CRB1: variants seen among roughly 807,000 people sequenced by gnomAD.
CRB1 encodes the protein crumbs cell polarity complex component 1, also known as protein crumbs homolog 1.
A neutral mutation model predicts 120.0 loss-of-function variants in CRB1; 83 were observed. The observed-to-expected ratio is 0.69, with a 90% confidence interval of 0.58 to 0.83. CRB1 has a LOEUF of 0.83. Among genes scored for constraint, CRB1 ranks in the 40% least tolerant of loss-of-function variants. The pLI is 0.00. For synonymous variants in CRB1, 625 were observed against 612.5 expected (o/e 1.02, Z -0.30); for missense variants, 1,699 against 1,687.6 (o/e 1.01, Z -0.12).
the CRB1 span, chr1:197,222,248 G>A: frequency 5.8e-6 from 3 of 519,508 alleles, no homozygotes; most frequent in South Asian, 3.5e-5. Context: ...TGCTCCTGTC[G>A]TTGGTGGCGG....
chr1:197,462,009 C>T (rs1384546692), intron 11 of CRB1, among the ~76,000 whole-genome samples: 1 of 152,156 alleles, frequency 6.6e-6, no homozygotes, highest in African/African-American at 2.4e-5. Context: ...CCATGAATTG[C>T]AGGAACTCAT....
intron 5 of CRB1, among the ~76,000 whole-genome samples, chr1:197,384,408 A>G (rs556960359): frequency 6.6e-6 from 1 of 152,302 alleles, no homozygotes; most frequent in East Asian, 1.9e-4. Context: ...CCACTTTCCA[A>G]CCTGGCATCA....
chr1:197,448,571 A>G (rs1383456715), intron 11 of CRB1, among the ~76,000 whole-genome samples: 2 of 152,112 alleles, frequency 1.3e-5, no homozygotes, highest in Non-Finnish European at 2.9e-5. Flanking sequence ...CTCCCTTTGA[A>G]CTTTTCACAG....
intron 5 of CRB1, among the ~76,000 whole-genome samples, chr1:197,392,963 G>A (rs891592768): frequency 2.6e-5 from 4 of 152,006 alleles, no homozygotes; most frequent in Non-Finnish European, 2.9e-5. Flanking sequence ...AATATCCAGG[G>A]AAAAGGTACT....
At chr1:197,328,216 CTA>C (rs1658629643) in intron 1 of CRB1, among the ~76,000 whole-genome samples, 1 of 152,150 alleles carries the variant, frequency 6.6e-6, no homozygotes, top group Admixed American at 6.5e-5. Flanking sequence ...GGTATTATCA[CTA>C]TGAAAATTAT....
At chr1:197,310,176 A>T (rs1286439807) in intron 1 of CRB1, among the ~76,000 whole-genome samples, 1 of 152,218 alleles carries the variant, frequency 6.6e-6, no homozygotes, top group African/African-American at 2.4e-5. Flanking sequence ...TTGAAAACAA[A>T]GTAATTAAAT....
chr1:197,276,493 T>A (rs765780104), intron 1 of CRB1, among the ~76,000 whole-genome samples: 2 of 151,736 alleles, frequency 1.3e-5, no homozygotes, highest in Non-Finnish European at 2.9e-5. Context: ...CCACAATCCT[T>A]GATATTGTGA....
intron 11 of CRB1, among the ~76,000 whole-genome samples, chr1:197,463,734 A>G (rs1310912046): frequency 6.6e-6 from 1 of 152,176 alleles, no homozygotes; most frequent in Non-Finnish European, 1.5e-5. Context: ...AAATGCCAGA[A>G]AATATTAAAT....
At chr1:197,340,614 C>T (rs1432409328) in intron 2 of CRB1, among the ~76,000 whole-genome samples, 1 of 151,978 alleles carries the variant, frequency 6.6e-6, no homozygotes, top group Non-Finnish European at 1.5e-5. Context: ...ACCTTAGATC[C>T]ATTTCTAAGA....
chr1:197,318,214 CA>C (rs1657969581), intron 1 of CRB1, among the ~76,000 whole-genome samples: 1 of 152,008 alleles, frequency 6.6e-6, no homozygotes, highest in Non-Finnish European at 1.5e-5. Context: ...AGAAGATATA[CA>C]AATGGCCAAC....
At chr1:197,347,302 G>C (rs1366125457) in intron 3 of CRB1, 38 bp from the exon 4 acceptor site, 2 of 1,585,494 alleles carry the variant, frequency 1.3e-6, no homozygotes, top group Non-Finnish European at 1.7e-6. Flanking sequence ...ATCTCAATAT[G>C]ACTAAGAGTT....
chr1:197,424,641 A>G (rs906992729), intron 6 of CRB1, among the ~76,000 whole-genome samples: 5 of 152,142 alleles, frequency 3.3e-5, no homozygotes, highest in African/African-American at 1.2e-4. Context: ...TTAATACAAC[A>G]TTGACTTTTT....
chr1:197,307,095 C>T (rs1355334096), intron 1 of CRB1, among the ~76,000 whole-genome samples: 2 of 152,248 alleles, frequency 1.3e-5, no homozygotes, highest in East Asian at 3.9e-4. Flanking sequence ...AATCAACTAA[C>T]ATTTATTAAG....
chr1:197,266,495 G>A (rs761356897), upstream of CRB1, among the ~76,000 whole-genome samples: 7 of 152,188 alleles, frequency 4.6e-5, no homozygotes, highest in South Asian at 8.3e-4. Context: ...GGGAAGGGGG[G>A]AAAACATTCA....
chr1:197,303,551 C>T (rs1340619870), intron 1 of CRB1, among the ~76,000 whole-genome samples: 10 of 151,662 alleles, frequency 6.6e-5, no homozygotes, highest in Admixed American at 5.9e-4. Context: ...TACCATCTAG[C>T]TTTACTCTCC....
At position 197,477,913 on chromosome 1, in the gene CRB1, C is replaced by T. The variant is rs368878220; in HGVS notation, c.*34C>T. 1.3e-6 allele frequency: 2 copies of T among 1,587,364 alleles called. No homozygotes were observed. Among genetic ancestry groups the T allele is most frequent in the African/African-American group, 1.3e-5 (1 of 74,404 alleles). ...TGTCCCTTCGAGATGGGGATCCACA[C>T]ACTGTGAATGTGATGACTGTACTTC... On this transcript the variant is annotated 3_prime_UTR_variant, in exon 12 of 12. Coordinates refer to ENST00000367400, the MANE Select transcript of CRB1 (RefSeq NM_201253.3).
chr1:197,391,841 A>G (rs1027560464), intron 5 of CRB1, among the ~76,000 whole-genome samples: 1 of 152,102 alleles, frequency 6.6e-6, no homozygotes, highest in African/African-American at 2.4e-5. Flanking sequence ...ACCCTCCTAC[A>G]GTAATATACA....
rs913995858 is a variant in CRB1, at chr1:197,300,397, T to C, written c.71-28025T>C. The stretch of plus-strand genomic sequence containing the variant: ...TGGTAAAAAAGTGAAAGAGCCTTTT[T>C]GCTGAGATGGTGAAAGTTTGAGTGG... On this transcript the variant is annotated intron_variant, in intron 1 of 11. Transcript: ENST00000367400. Among the ~76,000 whole-genome samples the C allele has an allele frequency of 3.9e-5, 6 of 151,948 alleles. No homozygotes were observed. In the East Asian group the frequency reaches 1.2e-3, roughly 29 times the overall value.
intron 11 of CRB1, among the ~76,000 whole-genome samples, chr1:197,463,740 T>G (rs1351069460): frequency 1.3e-5 from 2 of 152,210 alleles, no homozygotes; most frequent in Non-Finnish European, 2.9e-5. Context: ...CAGAAAATAT[T>G]AAATCCTCAG....
Sources: gnomAD v4.1 joint callset for allele counts (sites outside exome capture counted in the v4.1 genomes callset) on GRCh38, gnomAD v4.1.1 for gene constraint, MANE v1.5 for transcripts, NCBI Gene and HGNC (gene_info 2026-07-23, HGNC 2026-07-21) for gene names.